Variants in GPHN observed in about 807,000 individuals in gnomAD.
The protein encoded by GPHN is gephyrin.
GPHN carries 17 observed loss-of-function variants against 95.5 expected under a neutral mutation model. The ratio of observed to expected loss-of-function variants is 0.18; its 90% confidence interval spans 0.12 to 0.27. The LOEUF (loss-of-function observed/expected upper bound fraction) is 0.27. GPHN is among the 10% of genes least tolerant of loss of function. The probability of loss-of-function intolerance (pLI) is 1.00; values close to 1 mark genes in which losing one functional copy is unlikely to be tolerated. For missense variants in GPHN, 660 were observed against 978.1 expected (o/e 0.67, Z 4.34); for synonymous variants, 320 against 322.5 (o/e 0.99, Z 0.08).
the GPHN span, among the ~76,000 whole-genome samples, chr14:67,716,809 G>A: frequency 3.4e-4 from 52 of 151,906 alleles, no homozygotes; most frequent in African/African-American, 9.7e-4. Context: ...GCTTGGGCCC[G>A]GGAGGTGGAG....
intron 2 of GPHN, among the ~76,000 whole-genome samples, chr14:66,772,760 A>G (rs2059227454): frequency 6.6e-6 from 1 of 152,188 alleles, no homozygotes; most frequent in African/African-American, 2.4e-5. Context: ...AAATCAAAGA[A>G]TTTTTAGAAG....
chr14:67,432,613 C>G, the GPHN span, among the ~76,000 whole-genome samples: 13 of 152,164 alleles, frequency 8.5e-5, no homozygotes, highest in African/African-American at 3.1e-4. Context: ...GCCTGGTGTT[C>G]TAGGGCTGCC....
the GPHN span, among the ~76,000 whole-genome samples, chr14:67,730,436 G>A: frequency 2.9e-4 from 44 of 152,228 alleles, no homozygotes; most frequent in African/African-American, 9.6e-4. Flanking sequence ...TTCGGAGTCC[G>A]GAATATTTCA....
intron 1 of GPHN, among the ~76,000 whole-genome samples, chr14:66,545,536 C>T (rs1181310433): frequency 5.7e-5 from 5 of 87,966 alleles, no homozygotes; most frequent in East Asian, 5.5e-4. Flanking sequence ...CCCTCCCGGA[C>T]GGGGCGGCTG....
chr14:67,178,190 T>C (rs1038356609), intron 21 of GPHN, among the ~76,000 whole-genome samples: 1 of 152,234 alleles, frequency 6.6e-6, no homozygotes. Flanking sequence ...ATTTTTGCAG[T>C]GGCAGGTACC....
At chr14:66,801,418 G>T (rs1421553106) in intron 3 of GPHN, among the ~76,000 whole-genome samples, 1 of 152,144 alleles carries the variant, frequency 6.6e-6, no homozygotes, top group Admixed American at 6.5e-5. Flanking sequence ...GTAACGCTGA[G>T]ATTCTTGCAG....
At chr14:67,476,352 T>G in the GPHN span, among the ~76,000 whole-genome samples, 1 of 152,104 alleles carries the variant, frequency 6.6e-6, no homozygotes, top group Non-Finnish European at 1.5e-5. Context: ...TGTGAGAGGC[T>G]GAGGCGGGTG....
chr14:67,217,165 A>C, the GPHN span, among the ~76,000 whole-genome samples: 1 of 142,648 alleles, frequency 7.0e-6, no homozygotes. Flanking sequence ...GACTTTCTTC[A>C]TCTTTTTTTT....
chr14:67,176,934 A>AT (rs1156450979), intron 21 of GPHN, among the ~76,000 whole-genome samples: 1 of 152,034 alleles, frequency 6.6e-6, no homozygotes, highest in Non-Finnish European at 1.5e-5. Flanking sequence ...CCCCTTTATC[A>AT]TTTTTTATTG....
At chr14:67,665,602 T>C in the GPHN span, among the ~76,000 whole-genome samples, 1 of 152,210 alleles carries the variant, frequency 6.6e-6, no homozygotes, top group African/African-American at 2.4e-5. Context: ...TAAATCATTT[T>C]GGATGCGTAT....
chr14:67,457,810 C>T, the GPHN span, among the ~76,000 whole-genome samples: 1 of 152,228 alleles, frequency 6.6e-6, no homozygotes, highest in African/African-American at 2.4e-5. Flanking sequence ...GGGCTCTAGC[C>T]ACTGTGAAAT....
chr14:67,119,175 G>A (rs74056485), intron 16 of GPHN, among the ~76,000 whole-genome samples: 1 of 152,286 alleles, frequency 6.6e-6, no homozygotes, highest in African/African-American at 2.4e-5. Context: ...TAAAGTATAT[G>A]GATCTGAACA....
intron 2 of GPHN, among the ~76,000 whole-genome samples, chr14:66,707,376 C>G (rs2069178739): frequency 6.6e-6 from 1 of 152,172 alleles, no homozygotes; most frequent in African/African-American, 2.4e-5. Context: ...TTGTTTATTG[C>G]AGCACTCTTG....
chr14:67,383,149 T>G, the GPHN span, among the ~76,000 whole-genome samples: 1 of 152,214 alleles, frequency 6.6e-6, no homozygotes, highest in South Asian at 2.1e-4. Flanking sequence ...TCACCTCTTA[T>G]TTATGTAATG....
At chr14:67,716,212 A>G in the GPHN span, among the ~76,000 whole-genome samples, 1 of 149,838 alleles carries the variant, frequency 6.7e-6, no homozygotes, top group Non-Finnish European at 1.5e-5. Context: ...AAAAAAAAAG[A>G]AAAGAAAAAA....
chr14:66,721,340 T>A (rs1292473890), intron 2 of GPHN, among the ~76,000 whole-genome samples: 2 of 152,246 alleles, frequency 1.3e-5, no homozygotes, highest in Admixed American at 6.5e-5. Flanking sequence ...CTGTGGCTAA[T>A]GATATTTTAA....
chr14:67,140,421 G>C (rs1383896942), intron 17 of GPHN, among the ~76,000 whole-genome samples: 1 of 151,320 alleles, frequency 6.6e-6, no homozygotes, highest in African/African-American at 2.4e-5. Context: ...GCACTGAAAA[G>C]TACTTATTTA....
rs562222067 is a variant in GPHN, at chr14:66,872,921, A to G, written c.295-7018A>G. Among the ~76,000 whole-genome samples, 6 of 151,874 alleles carry G rather than the reference A, an allele frequency of 4.0e-5. No homozygotes were observed. In the South Asian group the frequency reaches 1.2e-3, roughly 32 times the overall value. Reference sequence around the variant, plus strand: ...AAAAAAAAAAAGGGTGCCCTATCCTAAAACTCCTAGTATATAGGTAAACCC... The same window carrying G: ...AAAAAAAAAAAGGGTGCCCTATCCTGAAACTCCTAGTATATAGGTAAACCC... On this transcript the variant is annotated intron_variant, in intron 4 of 22. Coordinates refer to ENST00000478722, the MANE Select transcript of GPHN (RefSeq NM_020806.5).
chr14:66,644,681 G>C (rs2064630265), intron 1 of GPHN, among the ~76,000 whole-genome samples: 1 of 152,028 alleles, frequency 6.6e-6, no homozygotes, highest in Non-Finnish European at 1.5e-5. Flanking sequence ...TAACTAACTT[G>C]CTGAAGGTCA....
Sources: allele counts gnomAD v4.1 joint callset (sites outside exome capture counted in the v4.1 genomes callset), GRCh38; gene constraint gnomAD v4.1.1; transcripts MANE v1.5; gene names NCBI Gene and HGNC (gene_info 2026-07-23, HGNC 2026-07-21).